Variants in DDX11 observed in about 807,000 individuals in gnomAD.
DDX11 encodes ATP-dependent DNA helicase DDX11.
A neutral mutation model predicts 125.2 loss-of-function variants in DDX11; 72 were observed. That is an observed-to-expected ratio of 0.58 (90% confidence interval 0.48 to 0.70). The LOEUF (loss-of-function observed/expected upper bound fraction) is 0.70. DDX11 is among the 30% of genes least tolerant of loss of function. The pLI is 0.00. For missense variants in DDX11, 883 were observed against 1,165.0 expected (o/e 0.76, Z 3.52); for synonymous variants, 347 against 452.6 (o/e 0.77, Z 2.96).
At chr12:31,078,135 G>C (rs1444616903) in intron 1 of DDX11, 5 of 1,263,374 alleles carry the variant, frequency 4.0e-6, no homozygotes, top group Non-Finnish European at 3.3e-6. Context: ...AAATGCAGGG[G>C]AGATTGGGTT....
rs775752488 is a variant in DDX11, at chr12:31,089,106, C to T, written c.747C>T (p.Ser249=). ...LAQFVHEVKK[S]PFGKDVRLVS... ...AGTTTGTGCATGAGGTGAAGAAGAG[C>T]CCCTTTGGCAAGGATGTTCGGCTGG... Residue 249 remains serine, a synonymous_variant, in exon 7 of 27, where the codon AGC becomes AGT. Coordinates refer to ENST00000542838, the MANE Select transcript of DDX11 (RefSeq NM_030653.4). 1.9e-6 allele frequency: 3 copies of T among 1,613,990 alleles called. No homozygotes were observed. In the South Asian group the frequency reaches 3.3e-5, roughly 18 times the overall value.
chr12:31,098,207 C>T (rs1203550985), intron 18 of DDX11, among the ~76,000 whole-genome samples: 1 of 152,246 alleles, frequency 6.6e-6, no homozygotes, highest in Non-Finnish European at 1.5e-5. Context: ...TCCTCTGCTG[C>T]TCCATTCTGT....
chr12:31,086,478 C>T (rs1943175294), intron 5 of DDX11, among the ~76,000 whole-genome samples: 1 of 151,792 alleles, frequency 6.6e-6, no homozygotes, highest in Admixed American at 6.6e-5. Context: ...TCGACTTCTG[C>T]CCCTGCCCAG....
chr12:31,096,255 G>A (rs1945199988), intron 14 of DDX11, 86 bp from the exon 15 acceptor site: 3 of 1,459,898 alleles, frequency 2.1e-6, no homozygotes, highest in Non-Finnish European at 1.9e-6. Context: ...TGCCTGGGTG[G>A]TAGAAGTGGT....
intron 2 of DDX11, among the ~76,000 whole-genome samples, chr12:31,083,335 A>AC (rs1942394149): frequency 6.6e-6 from 1 of 151,200 alleles, no homozygotes; most frequent in African/African-American, 2.4e-5. Context: ...ACAAAACAAA[A>AC]CACAAACCGT....
chr12:31,103,786 C>T (rs1946830775), intron 26 of DDX11, 21 bp from the exon 27 acceptor site: 1 of 1,613,814 alleles, frequency 6.2e-7, no homozygotes, highest in Admixed American at 1.7e-5. Flanking sequence ...TCACATTTCT[C>T]ACTGCCTTCT....
At position 31,097,937 on chromosome 12, in the gene DDX11, C is replaced by T. The variant is rs527682313; in HGVS notation, c.1815C>T (p.His605=). ...TTTTGCTCCTGAATCCAGCTGTGCA[C>T]TTTGCCCAAGTGGTGAAGGAATGCC... ...LKFLLLNPAV[H]FAQVVKECRA... Residue 605 remains histidine (H), a synonymous_variant, in exon 18 of 27, where the codon CAC becomes CAT. Coordinates refer to ENST00000542838, the MANE Select transcript of DDX11 (RefSeq NM_030653.4). 2.5e-6 allele frequency: 4 copies of T among 1,613,918 alleles called. No individual in the cohort carries two copies. The highest frequency in any genetic ancestry group is 1.1e-5 in the South Asian group (1 of 91,076).
intron 5 of DDX11, chr12:31,086,077 G>A (rs973651716): frequency 5.5e-5 from 25 of 454,354 alleles, no homozygotes; most frequent in African/African-American, 3.0e-4. Context: ...CAGCTTCCCC[G>A]CTGCCCTGAA....
At chr12:31,093,117 T>G (rs1944527013) in intron 11 of DDX11, 128 bp from the exon 12 acceptor site, 3 of 1,151,222 alleles carry the variant, frequency 2.6e-6, no homozygotes, top group Middle Eastern at 2.7e-4. Flanking sequence ...GCCAGCCTGC[T>G]CTCTGGGAAA....
chr12:31,087,738 T>C (rs1438549926), intron 5 of DDX11, 200 bp from the exon 6 acceptor site: 14 of 874,622 alleles, frequency 1.6e-5, no homozygotes, highest in Non-Finnish European at 2.5e-5. Flanking sequence ...TACATTTCCC[T>C]ACCCACAGAC....
rs1946212627 is a variant in DDX11 at position 31,100,690 on chromosome 12, T to C, written c.1931T>C (p.Val644Ala). The change falls in exon 19 of 27, where the codon GTG becomes GCG. Residue 644 changes from valine to alanine, a missense_variant. Physicochemically the swap from Val to Ala is moderately conservative, Grantham distance 64. Coordinates refer to ENST00000542838, the MANE Select transcript of DDX11 (RefSeq NM_030653.4). Reference sequence around the variant, plus strand: ...TGTGCCGGGGTGGAAGCTGAGCGCGTGGTGGAGTTTTCCTGTGGTGAGAAG... The same window carrying C: ...TGTGCCGGGGTGGAAGCTGAGCGCGCGGTGGAGTTTTCCTGTGGTGAGAAG... ...LACAGVEAER[V>A]VEFSCGHVIP... 6.4e-7 allele frequency: 1 copy of C among 1,552,330 alleles called. No individual in the cohort carries two copies. Among genetic ancestry groups the C allele is most frequent in the East Asian group, 2.4e-5 (1 of 41,016 alleles).
rs1470527444 is a variant in DDX11, at chr12:31,101,884, G to A, written c.2104G>A (p.Gly702Arg). The A allele has an allele frequency of 1.2e-6, 2 of 1,613,960 alleles. No individual in the cohort carries two copies. The highest frequency in any genetic ancestry group is 2.2e-5 in the South Asian group (2 of 91,078). The change falls in exon 21 of 27, where the codon GGG (glycine) becomes AGG (arginine). Residue 702 changes from glycine (G) to arginine (R), a missense_variant. By Grantham distance (125) the Gly-to-Arg change is moderately radical. Around this residue, in one of 5 missense-constraint regions of DDX11, gnomAD observed 285 missense variants for 346.0 expected, o/e 0.82. Coordinates refer to ENST00000542838, the MANE Select transcript of DDX11 (RefSeq NM_030653.4). ...TAACCTGTGCGGTGTGGTTCCTGGA[G>A]GGGTGGTCTGTTTCTTCCCCTCCTA... ...LCNLCGVVPG[G>R]VVCFFPSYEY...
At chr12:31,089,756 G>A in intron 8 of DDX11, 130 bp from the exon 9 acceptor site, 1 of 1,488,854 alleles carries the variant, frequency 6.7e-7, no homozygotes, top group Admixed American at 2.0e-5. Flanking sequence ...ACCACAGTAG[G>A]CAGTACTTGG....
chr12:31,100,932 C>A, intron 19 of DDX11, 95 bp from the exon 20 acceptor site: 1 of 1,262,640 alleles, frequency 7.9e-7, no homozygotes, highest in Non-Finnish European at 1.2e-6. Context: ...GTCGCTGTTC[C>A]TGTGCTGGAT....
chr12:31,086,726 G>A (rs1943228042), intron 5 of DDX11, among the ~76,000 whole-genome samples: 1 of 149,068 alleles, frequency 6.7e-6, no homozygotes, highest in African/African-American at 2.5e-5. Flanking sequence ...GTCAGCTTCT[G>A]GGGCTTCCCA....
At chr12:31,103,473 C>T (rs527682391) in intron 25 of DDX11, 78 bp downstream of exon 25, 82 of 1,603,508 alleles carry the variant, frequency 5.1e-5, no homozygotes, top group Admixed American at 4.5e-4. Flanking sequence ...GTTGCCTGCC[C>T]TGTTTCCTAT....
At position 31,096,865 on chromosome 12, in the gene DDX11, C is replaced by G. The variant is rs1706134343; in HGVS notation, c.1637C>G (p.Ala546Gly). Residue 546 changes from alanine (A) to glycine (G), a missense_variant, in exon 17 of 27, where the codon GCA (alanine) becomes GGA (glycine). Ala to Gly is a moderately conservative substitution (Grantham distance 60). Around this residue, in one of 5 missense-constraint regions of DDX11, gnomAD observed 241 missense variants for 279.7 expected, o/e 0.86. Transcript: ENST00000542838. ...CCCGTTCTGCTCTGTGCAGCTCTTG[C>G]AGCCCCTGCAGACGAGAGTCAGGCC... ...SLQPRTTEALAAPADESQAST... is the reference protein window; with the variant it reads ...SLQPRTTEALGAPADESQAST... 1 of 1,614,180 alleles carries G rather than the reference C, an allele frequency of 6.2e-7. No homozygotes were observed. Among genetic ancestry groups the G allele is most frequent in the Non-Finnish European group, 8.5e-7 (1 of 1,180,036 alleles).
intron 12 of DDX11, chr12:31,093,733 A>AAAAAAAAAAT: frequency 4.8e-6 from 1 of 208,676 alleles, no homozygotes; most frequent in South Asian, 7.5e-5. Context: ...AAAAAAAAAA[A>AAAAAAAAAAT]AAAAAAAAAA....
At chr12:31,086,218 G>T (rs777799938) in intron 5 of DDX11, 4 of 438,632 alleles carry the variant, frequency 9.1e-6, no homozygotes, top group Non-Finnish European at 1.8e-5. Context: ...CTCAGGTGTC[G>T]TCTTGGTGGC....
Sources: allele counts gnomAD v4.1 joint callset (sites outside exome capture counted in the v4.1 genomes callset), GRCh38; gene constraint gnomAD v4.1.1; regional missense constraint gnomAD v4.1.1; transcripts MANE v1.5; gene names NCBI Gene and HGNC (gene_info 2026-07-23, HGNC 2026-07-21).